Variants in XIRP2 observed in about 807,000 individuals in gnomAD.
XIRP2 encodes xin actin-binding repeat-containing protein 2.
Under a neutral mutation model 277.0 loss-of-function variants are expected in XIRP2, and 236 were observed. The observed-to-expected ratio is 0.85, with a 90% CI of 0.77 to 0.95. The LOEUF is 0.95. Among genes scored for constraint, XIRP2 ranks in the 40% least tolerant of loss-of-function variants. The pLI, the probability that XIRP2 is intolerant of heterozygous loss-of-function variation, is 0.00. For synonymous variants in XIRP2, 1,490 were observed against 1,416.5 expected, an observed-to-expected ratio of 1.05 and a Z score of -1.17; for missense variants, 4,640 against 4,157.5, an observed-to-expected ratio of 1.12 and a Z score of -3.19.
chr2:166,976,309 C>A (rs1686717364), intron 2 of XIRP2, among the ~76,000 whole-genome samples: 1 of 152,200 alleles, frequency 6.6e-6, no homozygotes, highest in African/African-American at 2.4e-5. Context: ...AGACCAACTT[C>A]TCTAGCTGTG....
At chr2:167,026,970 C>A (rs1339633164) in intron 2 of XIRP2, among the ~76,000 whole-genome samples, 3 of 152,076 alleles carry the variant, frequency 2.0e-5, no homozygotes, top group African/African-American at 7.2e-5. Flanking sequence ...GTGAATCTGA[C>A]AATTATGTGT....
At chr2:166,911,739 C>T (rs572242605) in intron 2 of XIRP2, among the ~76,000 whole-genome samples, 1 of 152,054 alleles carries the variant, frequency 6.6e-6, no homozygotes, top group Non-Finnish European at 1.5e-5. Context: ...TTTTTGCTGT[C>T]GCTGGTACTG....
Position 166,903,599 on chromosome 2 carries a change from G to T in XIRP2, c.117G>T (p.Gln39His), listed in dbSNP as rs1684438851. 6.2e-7 allele frequency: 1 copy of T among 1,613,626 alleles called. No homozygotes were observed. Among genetic ancestry groups the T allele is most frequent in the Non-Finnish European group, 8.5e-7 (1 of 1,179,776 alleles). Reference protein sequence around the residue: ...RDSHCTIFQPQESKLLAPEGE... With the variant: ...RDSHCTIFQPHESKLLAPEGE... ...GCCATTGTACAATTTTCCAGCCTCAGGAAAGCAAATTGCTTGCGCCTGAAG... is the reference window on the plus strand; with the variant it reads ...GCCATTGTACAATTTTCCAGCCTCATGAAAGCAAATTGCTTGCGCCTGAAG... The change falls in exon 2 of 11, where the codon CAG (glutamine) becomes CAT (histidine). Residue 39 changes from glutamine (Q) to histidine (H), a missense_variant. Physicochemically the swap from Gln to His is conservative, Grantham distance 24. Coordinates refer to ENST00000409195, the MANE Select transcript of XIRP2 (RefSeq NM_152381.6).
At chr2:167,165,815 T>C (rs910061320) in intron 3 of XIRP2, among the ~76,000 whole-genome samples, 2 of 152,214 alleles carry the variant, frequency 1.3e-5, no homozygotes, top group African/African-American at 2.4e-5. Flanking sequence ...TGATGCTGTC[T>C]TTCATGGAGC....
intron 2 of XIRP2, among the ~76,000 whole-genome samples, chr2:167,057,664 C>T (rs1412828472): frequency 6.6e-6 from 1 of 152,116 alleles, no homozygotes; most frequent in South Asian, 2.1e-4. Context: ...CGACAGTTTA[C>T]AATCACTTGG....
Position 167,245,646 on chromosome 2 carries a change from A to C in XIRP2, c.4254A>C (p.Val1418=). 1 of 1,613,656 alleles carries C rather than the reference A, an allele frequency of 6.2e-7. No individual in the cohort carries two copies. The highest frequency in any genetic ancestry group is 8.5e-7 in the Non-Finnish European group (1 of 1,179,706). ...PSIDHIQGGN[V]KTSRQFFESE... Reference sequence around the variant, plus strand: ...TTGACCATATACAAGGTGGCAATGTAAAGACAAGTAGACAATTCTTTGAGT... The same window carrying C: ...TTGACCATATACAAGGTGGCAATGTCAAGACAAGTAGACAATTCTTTGAGT... Residue 1418 remains valine, a synonymous_variant, in exon 9 of 11, where the codon GTA becomes GTC. Transcript: ENST00000409195.
chr2:167,073,208 A>G (rs993091028), intron 2 of XIRP2, among the ~76,000 whole-genome samples: 1 of 152,078 alleles, frequency 6.6e-6, no homozygotes, highest in Admixed American at 6.5e-5. Context: ...ATTATCTTTC[A>G]TACTCGACTT....
At chr2:167,066,705 C>A (rs1367057949) in intron 2 of XIRP2, among the ~76,000 whole-genome samples, 1 of 151,996 alleles carries the variant, frequency 6.6e-6, no homozygotes, top group African/African-American at 2.4e-5. Context: ...CATCACTATT[C>A]ACAAAAGTAA....
chr2:166,969,617 T>C (rs2105418117), intron 2 of XIRP2, among the ~76,000 whole-genome samples: 1 of 152,098 alleles, frequency 6.6e-6, no homozygotes, highest in Admixed American at 6.6e-5. Flanking sequence ...ATATGACTTT[T>C]CTAAAAATAT....
chr2:166,905,705 C>CA (rs1684499490), intron 2 of XIRP2, among the ~76,000 whole-genome samples: 1 of 151,300 alleles, frequency 6.6e-6, no homozygotes, highest in Non-Finnish European at 1.5e-5. Flanking sequence ...AATCAGTTCA[C>CA]AAAAAAAGTG....
intron 2 of XIRP2, among the ~76,000 whole-genome samples, chr2:167,078,810 C>A (rs1323491933): frequency 6.8e-6 from 1 of 146,106 alleles, no homozygotes; most frequent in Admixed American, 7.1e-5. Flanking sequence ...TGCACTCCAG[C>A]CTGAGCGACA....
chr2:167,236,748 T>G (rs1287037696), intron 5 of XIRP2, among the ~76,000 whole-genome samples: 2 of 152,228 alleles, frequency 1.3e-5, no homozygotes, highest in East Asian at 3.9e-4. Context: ...TGGTCTATAT[T>G]TAAATTTAAT....
At chr2:166,921,625 C>G (rs763445717) in intron 2 of XIRP2, among the ~76,000 whole-genome samples, 20 of 152,010 alleles carry the variant, frequency 1.3e-4, no homozygotes, top group Admixed American at 1.3e-4. Context: ...TCTTTCCCTC[C>G]TGGTTTTTAA....
intron 2 of XIRP2, among the ~76,000 whole-genome samples, chr2:166,929,505 C>G (rs1169842477): frequency 6.6e-6 from 1 of 151,938 alleles, no homozygotes; most frequent in African/African-American, 2.4e-5. Flanking sequence ...GTGTCTGTAC[C>G]AAAAGTTGTA....
At chr2:167,026,521 C>A (rs1201205813) in intron 2 of XIRP2, among the ~76,000 whole-genome samples, 3 of 152,074 alleles carry the variant, frequency 2.0e-5, no homozygotes, top group African/African-American at 7.2e-5. Context: ...TTATTTTGCT[C>A]ATTAGTTGAT....
At chr2:167,184,539 C>T (rs1404480879) in intron 3 of XIRP2, 1 of 715,862 alleles carries the variant, frequency 1.4e-6, no homozygotes, top group Non-Finnish European at 2.6e-6. Context: ...CTGTTTCCAG[C>T]AGCAGTGTTC....
rs1392282763 is a variant in XIRP2 at position 167,247,233 on chromosome 2, AG to A, written c.5842del (p.Asp1948MetfsTer5). The stretch of plus-strand genomic sequence containing the variant: ...TACATAAAGAAGGTGTAATAAAAAA[AG>A]ATGCTAAAGCTGTGATGGCAGGATC... ...EVHKEGVIKK[D>X]AKAVMAGSSG... On this transcript the variant is annotated frameshift_variant, in exon 9 of 11. Coordinates refer to ENST00000409195, the MANE Select transcript of XIRP2 (RefSeq NM_152381.6). LOFTEE classifies it high-confidence loss of function. 1 of 1,613,710 alleles carries A rather than the reference AG, an allele frequency of 6.2e-7. No homozygotes were observed. Among genetic ancestry groups the A allele is most frequent in the African/African-American group, 1.3e-5 (1 of 75,002 alleles).
At chr2:167,019,576 ACT>A (rs1687926910) in intron 2 of XIRP2, among the ~76,000 whole-genome samples, 2 of 151,944 alleles carry the variant, frequency 1.3e-5, no homozygotes, top group African/African-American at 2.4e-5. Flanking sequence ...AATGTCAAAC[ACT>A]CTCAATTAGC....
chr2:167,059,896 A>G (rs928898137), intron 2 of XIRP2, among the ~76,000 whole-genome samples: 5 of 152,186 alleles, frequency 3.3e-5, no homozygotes, highest in Non-Finnish European at 7.4e-5. Context: ...GTGTATCCAC[A>G]TGAATGCTTC....
Sources: allele counts gnomAD v4.1 joint callset (sites outside exome capture counted in the v4.1 genomes callset), GRCh38; gene constraint gnomAD v4.1.1; transcripts MANE v1.5; gene names NCBI Gene and HGNC (gene_info 2026-07-23, HGNC 2026-07-21).